Variants in RFX7 observed in about 807,000 individuals in gnomAD.
The protein encoded by RFX7 is DNA-binding protein RFX7.
In RFX7, 26 loss-of-function variants were observed where a neutral mutation model predicts 111.8. That is an observed-to-expected ratio of 0.23 (90% CI 0.17 to 0.32). RFX7 has a LOEUF of 0.32. Among genes scored for constraint, RFX7 ranks in the 10% least tolerant of loss-of-function variants. The probability of loss-of-function intolerance (pLI) is 1.00; values close to 1 mark genes in which losing one functional copy is unlikely to be tolerated. For missense variants in RFX7, 1,573 were observed against 1,772.9 expected, an observed-to-expected ratio of 0.89 and a Z score of 2.02; for synonymous variants, 624 against 624.4, an observed-to-expected ratio of 1.00 and a Z score of 0.01.
Position 56,108,984 on chromosome 15 carries a change from A to C in RFX7, c.402-5314T>G, listed in dbSNP as rs148676674. Among the ~76,000 whole-genome samples the C allele has an allele frequency of 1.6e-3, 250 of 152,296 alleles. 2 individuals are homozygous for C. The highest frequency in any genetic ancestry group is 5.8e-3 in the African/African-American group (240 of 41,570). ...AAAATACCTAGCAATACAGCTAACA[A>C]GGGAAGTGAAGGACCTCTTCAAGAA... On this transcript the variant is annotated intron_variant, in intron 5 of 9. Coordinates refer to ENST00000559447, the MANE Select transcript of RFX7 (RefSeq NM_022841.7).
chr15:56,166,813 G>A (rs573150497), intron 3 of RFX7, among the ~76,000 whole-genome samples: 14 of 151,974 alleles, frequency 9.2e-5, no homozygotes, highest in Non-Finnish European at 1.3e-4. Context: ...GTACTGTGGC[G>A]GCACAATTGT....
intron 2 of RFX7, among the ~76,000 whole-genome samples, chr15:56,203,187 C>T (rs1170233928): frequency 1.3e-5 from 2 of 152,208 alleles, no homozygotes; most frequent in South Asian, 4.1e-4. Flanking sequence ...TATCTGAAAA[C>T]GTGAGAAGCC....
intron 2 of RFX7, among the ~76,000 whole-genome samples, chr15:56,187,724 A>G (rs1352815512): frequency 6.6e-6 from 1 of 152,228 alleles, no homozygotes; most frequent in Non-Finnish European, 1.5e-5. Flanking sequence ...TCTTCACAAA[A>G]AGAAACAGCT....
chr15:56,243,665 T>G lies in RFX7; in HGVS notation c.-223A>C, dbSNP rs2043751063. On this transcript the variant is annotated 5_prime_UTR_variant, in exon 1 of 10. Transcript: ENST00000559447. ...TGGGGGGGGCAGGCTCCCCCCAAAA[T>G]CCAAGAAGAACGGTTGCTCAGGGAT... 6.5e-6 allele frequency: 1 copy of G among 154,204 alleles called. No individual in the cohort carries two copies. The highest frequency in any genetic ancestry group is 6.6e-5 in the Admixed American group (1 of 15,236). 9.6% of individuals were successfully genotyped at this position (154,204 alleles called of 1,614,324 possible).
At chr15:56,101,112 T>C (rs2041746085) in intron 8 of RFX7, among the ~76,000 whole-genome samples, 1 of 152,130 alleles carries the variant, frequency 6.6e-6, no homozygotes, top group Non-Finnish European at 1.5e-5. Flanking sequence ...ACATATCAGC[T>C]GGGGAATCTA....
intron 5 of RFX7, among the ~76,000 whole-genome samples, chr15:56,111,754 G>T (rs2140941959): frequency 6.6e-6 from 1 of 151,730 alleles, no homozygotes; most frequent in South Asian, 2.1e-4. Flanking sequence ...AAATTCTGAG[G>T]GCAAAAACCT....
intron 2 of RFX7, among the ~76,000 whole-genome samples, chr15:56,219,125 T>C (rs2043397662): frequency 6.6e-6 from 1 of 152,232 alleles, no homozygotes; most frequent in South Asian, 2.1e-4. Flanking sequence ...CTTCTCCCTT[T>C]AGTTAAATCA....
chr15:56,240,026 A>G (rs1297701975), intron 2 of RFX7, among the ~76,000 whole-genome samples: 1 of 142,456 alleles, frequency 7.0e-6, no homozygotes, highest in Admixed American at 7.3e-5. Flanking sequence ...AAAGAGGGGT[A>G]CAATTTAAGC....
At chr15:56,221,832 C>T (rs1297163826) in intron 2 of RFX7, among the ~76,000 whole-genome samples, 1 of 152,170 alleles carries the variant, frequency 6.6e-6, no homozygotes, top group African/African-American at 2.4e-5. Context: ...TGTGCTGTTT[C>T]ACGATCTTTT....
chr15:56,149,152 A>G (rs1243651356), intron 3 of RFX7, among the ~76,000 whole-genome samples: 2 of 151,520 alleles, frequency 1.3e-5, no homozygotes, highest in Non-Finnish European at 1.5e-5. Flanking sequence ...CTTGGAAGCC[A>G]TGTGTTGCAC....
chr15:56,204,390 T>A (rs774001017), intron 2 of RFX7, among the ~76,000 whole-genome samples: 2 of 152,122 alleles, frequency 1.3e-5, no homozygotes, highest in Non-Finnish European at 2.9e-5. Flanking sequence ...ATCCCATACA[T>A]CATTTCCCAA....
chr15:56,120,316 AG>A (rs372105927), intron 5 of RFX7, among the ~76,000 whole-genome samples: 36 of 152,358 alleles, frequency 2.4e-4, no homozygotes, highest in Middle Eastern at 3.4e-3. Context: ...GTTGGCAAAT[AG>A]GAATGCTACT....
At chr15:56,185,404 A>G (rs2043028010) in intron 2 of RFX7, among the ~76,000 whole-genome samples, 1 of 152,162 alleles carries the variant, frequency 6.6e-6, no homozygotes, top group Non-Finnish European at 1.5e-5. Context: ...ATTTCCATAT[A>G]GATCTATATT....
intron 2 of RFX7, among the ~76,000 whole-genome samples, chr15:56,225,367 T>A (rs1024147744): frequency 1.3e-5 from 2 of 152,140 alleles, no homozygotes; most frequent in Non-Finnish European, 2.9e-5. Context: ...CCCTCATGGG[T>A]CATTGTCTTC....
intron 5 of RFX7, among the ~76,000 whole-genome samples, chr15:56,134,596 C>CTT (rs71706654): frequency 7.5e-6 from 1 of 132,692 alleles, no homozygotes; most frequent in East Asian, 2.1e-4. Flanking sequence ...AAATCACTTT[C>CTT]TTTTTTTTTT....
intron 2 of RFX7, among the ~76,000 whole-genome samples, chr15:56,233,077 C>T (rs922508874): frequency 6.6e-6 from 1 of 152,186 alleles, no homozygotes; most frequent in Non-Finnish European, 1.5e-5. Flanking sequence ...CCCCACTCTA[C>T]CAGTACCAAT....
At chr15:56,114,709 A>T (rs1211274297) in intron 5 of RFX7, among the ~76,000 whole-genome samples, 1 of 152,044 alleles carries the variant, frequency 6.6e-6, no homozygotes, top group African/African-American at 2.4e-5. Context: ...ATTTATATAT[A>T]AAAAAACTAT....
chr15:56,181,185 T>C (rs553630187), intron 2 of RFX7, among the ~76,000 whole-genome samples: 31 of 152,224 alleles, frequency 2.0e-4, no homozygotes, highest in Non-Finnish European at 2.9e-4. Flanking sequence ...TCTTCATTCA[T>C]TCAGCTCTAG....
At chr15:56,226,592 A>C (rs375886831) in intron 2 of RFX7, among the ~76,000 whole-genome samples, 36 of 152,276 alleles carry the variant, frequency 2.4e-4, no homozygotes, top group Middle Eastern at 3.4e-3. Context: ...AAAAGAACAA[A>C]GTGATAAAAG....
Sources: allele counts gnomAD v4.1 joint callset (sites outside exome capture counted in the v4.1 genomes callset), GRCh38; gene constraint gnomAD v4.1.1; transcripts MANE v1.5; gene names NCBI Gene and HGNC (gene_info 2026-07-23, HGNC 2026-07-21).